Variants in ANKRD17 observed in about 807,000 individuals in gnomAD.
ANKRD17 encodes ankyrin repeat domain 17, also known as ankyrin repeat domain-containing protein 17.
Under a neutral mutation model 229.7 loss-of-function variants are expected in ANKRD17, and 19 were observed. That is an observed-to-expected ratio of 0.08 (90% CI 0.06 to 0.12). The LOEUF (loss-of-function observed/expected upper bound fraction) is 0.12, where lower values mean the gene tolerates loss of function less well. Ranked by LOEUF, ANKRD17 falls within the 10% of genes least tolerant of loss-of-function variation. The pLI, the probability that ANKRD17 is intolerant of heterozygous loss-of-function variation, is 1.00. For missense variants in ANKRD17, 2,176 were observed against 3,176.8 expected (o/e 0.68, Z 7.57); for synonymous variants, 1,112 against 1,146.1 (o/e 0.97, Z 0.60).
In ANKRD17 at chr4:73,258,354, T is replaced by TCCGCCTCCACCG. The variant is rs762636363; in HGVS notation, c.303_314dup (p.Gly107_Gly110dup). 6.7e-5 allele frequency: 108 copies of TCCGCCTCCACCG among 1,608,240 alleles called. No individual in the cohort carries two copies. Among genetic ancestry groups the TCCGCCTCCACCG allele is most frequent in the East Asian group, 1.1e-4 (5 of 44,520 alleles). ...TACTGCTGGTGCCGCCGCCGCCACC[T>TCCGCCTCCACCG]CCGCCTCCACCGCCGCCTCCACCGC... On this transcript the variant is annotated inframe_insertion, in exon 1 of 34. Coordinates refer to ENST00000358602, the MANE Select transcript of ANKRD17 (RefSeq NM_032217.5).
At chr4:73,160,478 A>G (rs773313304) in intron 3 of ANKRD17, among the ~76,000 whole-genome samples, 1 of 152,082 alleles carries the variant, frequency 6.6e-6, no homozygotes, top group Non-Finnish European at 1.5e-5. Flanking sequence ...CTCGGCCTCC[A>G]AAGTGCTGAG....
Position 73,098,178 on chromosome 4 carries a change from G to A in ANKRD17, c.4916C>T (p.Ser1639Leu). Residue 1639 changes from serine (S) to leucine (L), a missense_variant, in exon 26 of 34, where the codon TCA becomes TTA. This residue lies in a region of ANKRD17 where 98 missense variants were observed against 101.0 expected (regional missense o/e 0.97). Transcript: ENST00000358602. ...SNSSRKSDNH[S>L]PAVVTTTVSS... Reference sequence around the variant, plus strand: ...CACAGTGGTAGTGACCACAGCTGGTGAATGATTGTCACTCTTACGACTGCT... The same window carrying A: ...CACAGTGGTAGTGACCACAGCTGGTAAATGATTGTCACTCTTACGACTGCT... 6.2e-7 allele frequency: 1 copy of A among 1,614,166 alleles called. No individual in the cohort carries two copies. The highest frequency in any genetic ancestry group is 2.2e-5 in the East Asian group (1 of 44,888).
Position 73,076,011 on chromosome 4 carries a change from A to G in ANKRD17, c.*220T>C, listed in dbSNP as rs908411388. ...AGAGGGAAAGAAAAAAAGAAAAATG[A>G]TAAGAAAAATGCTAACTAAGGTAAA... On this transcript the variant is annotated 3_prime_UTR_variant, in exon 34 of 34. Coordinates refer to ENST00000358602, the MANE Select transcript of ANKRD17 (RefSeq NM_032217.5). 3 of 415,204 alleles carry G rather than the reference A, an allele frequency of 7.2e-6. No homozygotes were observed. Among genetic ancestry groups the G allele is most frequent in the Non-Finnish European group, 1.3e-5 (3 of 229,298 alleles). The allele number at this position is 415,204 out of a possible 1,614,324, so 25.7% of individuals were successfully genotyped here.
rs1212269453 is a variant in ANKRD17, at chr4:73,177,251, A to G, written c.547+129T>C. The G allele has an allele frequency of 4.4e-6, 4 of 903,668 alleles. No individual in the cohort carries two copies. The East Asian group carries it at 8.9e-5, about 20-fold the overall frequency. 56.0% of individuals were successfully genotyped at this position (903,668 alleles called of 1,614,324 possible). ...CGCTCCATGTAATTCAGCAGAAAGT[A>G]ATCAATTAACCTTTATTAATAGTAT... On this transcript the variant is annotated intron_variant, in intron 2 of 33. Coordinates refer to ENST00000358602, the MANE Select transcript of ANKRD17 (RefSeq NM_032217.5).
At chr4:73,219,081 T>C (rs913150744) in intron 1 of ANKRD17, among the ~76,000 whole-genome samples, 4 of 152,096 alleles carry the variant, frequency 2.6e-5, no homozygotes, top group Non-Finnish European at 5.9e-5. Context: ...ACCAAACCCA[T>C]ATCTGTCCAA....
intron 1 of ANKRD17, among the ~76,000 whole-genome samples, chr4:73,246,360 G>C (rs1442709715): frequency 2.0e-5 from 3 of 152,160 alleles, no homozygotes; most frequent in Non-Finnish European, 2.9e-5. Context: ...AGAGATAGTT[G>C]TTTATTGCTT....
chr4:73,151,593 TA>T, intron 6 of ANKRD17, 69 bp from the exon 7 acceptor site: 1 of 1,198,702 alleles, frequency 8.3e-7, no homozygotes, highest in Non-Finnish European at 1.1e-6. Context: ...AAAATTATAA[TA>T]TTTTGAAAAG....
At chr4:73,121,463 T>C (rs959857981) in intron 19 of ANKRD17, 154 bp downstream of exon 19, 13 of 851,336 alleles carry the variant, frequency 1.5e-5, no homozygotes, top group Non-Finnish European at 2.2e-5. Flanking sequence ...TTTTAATTAC[T>C]TAAATAAAGT....
At chr4:73,185,413 T>A (rs1345958485) in intron 1 of ANKRD17, among the ~76,000 whole-genome samples, 1 of 151,862 alleles carries the variant, frequency 6.6e-6, no homozygotes, top group Non-Finnish European at 1.5e-5. Flanking sequence ...TGTTCTAAAT[T>A]TTGACTATAT....
chr4:73,217,930 A>C (rs974097462), intron 1 of ANKRD17, among the ~76,000 whole-genome samples: 2 of 152,250 alleles, frequency 1.3e-5, no homozygotes, highest in East Asian at 1.9e-4. Context: ...TTCTGGTCCC[A>C]AACATTTTAG....
rs191626793 is a variant in ANKRD17 at position 73,255,927 on chromosome 4, T to C, written c.393+2349A>G. Among the ~76,000 whole-genome samples the C allele has an allele frequency of 3.9e-3, 600 of 152,304 alleles. 4 individuals carry two copies. The highest frequency in any genetic ancestry group is 6.2e-3 in the Non-Finnish European group (419 of 68,010). ...TTTTAGTAGAGATGGGGTTTCACCA[T>C]GTTGGCCAGGCTGGTCTCAAACTCC... On this transcript the variant is annotated intron_variant, in intron 1 of 33. Coordinates refer to ENST00000358602, the MANE Select transcript of ANKRD17 (RefSeq NM_032217.5).
intron 2 of ANKRD17, among the ~76,000 whole-genome samples, chr4:73,168,438 T>TTGTG (rs150947393): frequency 1.3e-5 from 2 of 151,932 alleles, no homozygotes; most frequent in African/African-American, 4.8e-5. Flanking sequence ...AAATATTTGA[T>TTGTG]TGTGTGTGTG....
intron 1 of ANKRD17, among the ~76,000 whole-genome samples, chr4:73,190,615 G>A (rs1279812673): frequency 6.7e-6 from 1 of 148,890 alleles, no homozygotes; most frequent in Non-Finnish European, 1.5e-5. Flanking sequence ...ACAGAAAAAG[G>A]AAAAGGAAAT....
intron 22 of ANKRD17, among the ~76,000 whole-genome samples, chr4:73,116,743 T>G (rs1417280355): frequency 6.6e-6 from 1 of 152,096 alleles, no homozygotes; most frequent in Non-Finnish European, 1.5e-5. Context: ...TGGGTATGGA[T>G]CTTACCTTTC....
At chr4:73,155,975 T>G (rs777866369) in intron 4 of ANKRD17, 44 bp downstream of exon 4, 22 of 1,535,144 alleles carry the variant, frequency 1.4e-5, no homozygotes, top group Non-Finnish European at 1.8e-5. Flanking sequence ...AGCAAGCCAG[T>G]TTTTAAAAAA....
chr4:73,255,728 CTT>C (rs953280333), intron 1 of ANKRD17, among the ~76,000 whole-genome samples: 1 of 146,514 alleles, frequency 6.8e-6, no homozygotes, highest in African/African-American at 2.5e-5. Context: ...AATGGGTACA[CTT>C]TTTTTTTTTT....
Position 73,179,466 on chromosome 4 carries a change from A to ATGTGTGTG in ANKRD17, c.394-1941_394-1934dup, listed in dbSNP as rs55769249. Among the ~76,000 whole-genome samples, 202 of 60,728 alleles carry ATGTGTGTG rather than the reference A, an allele frequency of 3.3e-3. 3 individuals are homozygous for ATGTGTGTG. The highest frequency in any genetic ancestry group is 0.01 in the African/African-American group (172 of 16,400). 39.8% of individuals were successfully genotyped at this position (60,728 alleles called of 152,430 possible). Reference sequence around the variant, plus strand: ...TATATATCTGTGTATATATGTATATATGTGTGTGTGTGTGTGTGTGTGTAT... The same window carrying ATGTGTGTG: ...TATATATCTGTGTATATATGTATATATGTGTGTGTGTGTGTGTGTGTGTGTGTGTGTAT... On this transcript the variant is annotated intron_variant, in intron 1 of 33. Coordinates refer to ENST00000358602, the MANE Select transcript of ANKRD17 (RefSeq NM_032217.5).
chr4:73,196,847 A>G (rs1473936469), intron 1 of ANKRD17, among the ~76,000 whole-genome samples: 1 of 152,236 alleles, frequency 6.6e-6, no homozygotes, highest in Non-Finnish European at 1.5e-5. Context: ...AGTTTTGAAC[A>G]AAAGAATTAT....
At chr4:73,192,806 T>A (rs187690913) in intron 1 of ANKRD17, among the ~76,000 whole-genome samples, 1 of 152,130 alleles carries the variant, frequency 6.6e-6, no homozygotes, top group Admixed American at 6.6e-5. Context: ...AAGAAAAAGT[T>A]TTGGCAACAA....
Sources: allele counts gnomAD v4.1 joint callset (sites outside exome capture counted in the v4.1 genomes callset), GRCh38; gene constraint gnomAD v4.1.1; regional missense constraint gnomAD v4.1.1; transcripts MANE v1.5; gene names NCBI Gene and HGNC (gene_info 2026-07-23, HGNC 2026-07-21).